Variants in COG5 observed in about 807,000 individuals in gnomAD.
COG5 encodes component of oligomeric golgi complex 5, also known as conserved oligomeric Golgi complex subunit 5.
COG5 carries 86 observed loss-of-function variants against 110.4 expected under a neutral mutation model. The observed-to-expected ratio is 0.78, with a 90% CI of 0.65 to 0.93. The LOEUF (loss-of-function observed/expected upper bound fraction) is 0.93, where lower values mean the gene tolerates loss of function less well. Ranked by LOEUF, COG5 falls within the 40% of genes least tolerant of loss-of-function variation. The probability of loss-of-function intolerance (pLI) is 0.00; values close to 1 mark genes in which losing one functional copy is unlikely to be tolerated. For synonymous variants in COG5, 360 were observed against 334.6 expected (o/e 1.08, Z -0.83); for missense variants, 1,077 against 987.0 (o/e 1.09, Z -1.22).
chr7:107,281,310 G>T lies in COG5; in HGVS notation c.1565C>A (p.Ser522Ter). ...AKTIQLYSVK[S>*]EQLLSTQGDA... ...AAGGAAACCACTTACAAGCTGCTCT[G>T]ATTTTACACTGTATAACTGGATGGT... The change falls in exon 14 of 22, where the codon TCA becomes TAA. Residue 522 changes from serine (S) to a stop codon, truncating the protein, a stop_gained. Transcript: ENST00000297135. LOFTEE classifies it high-confidence loss of function. 6.2e-7 allele frequency: 1 copy of T among 1,610,632 alleles called. No homozygotes were observed. The highest frequency in any genetic ancestry group is 1.1e-5 in the South Asian group (1 of 90,982).
chr7:107,368,527 T>C (rs188184670), intron 8 of COG5, among the ~76,000 whole-genome samples: 79 of 152,172 alleles, frequency 5.2e-4, no homozygotes, highest in African/African-American at 1.9e-3. Flanking sequence ...AGTGTTCACC[T>C]TATAATAATT....
intron 18 of COG5, among the ~76,000 whole-genome samples, chr7:107,235,412 T>C (rs974762239): frequency 1.3e-5 from 2 of 152,234 alleles, no homozygotes; most frequent in Non-Finnish European, 2.9e-5. Context: ...GGCTTAAAAA[T>C]GATTTTACCC....
Position 107,563,392 on chromosome 7 carries a change from A to G in COG5, c.94+411T>C, listed in dbSNP as rs569062610. 21 of 302,200 alleles carry G rather than the reference A, an allele frequency of 6.9e-5. 2 individuals carry two copies. Among genetic ancestry groups the G allele is most frequent in the South Asian group, 6.2e-4 (21 of 34,020 alleles). 18.7% of individuals were successfully genotyped at this position (302,200 alleles called of 1,614,324 possible). A position where few individuals can be genotyped will look rare whatever the true frequency, so the allele number is the denominator to read the frequency against. ...CAGCTCTACTTTAAAACAAGGCCCT[A>G]TTTCATTATGCGTCTGCCGTCTGTT... is the stretch of plus-strand genomic sequence containing the variant. On this transcript the variant is annotated intron_variant, in intron 1 of 21. Coordinates refer to ENST00000297135, the MANE Select transcript of COG5 (RefSeq NM_006348.5).
At chr7:107,488,475 T>G (rs1797783643) in intron 6 of COG5, among the ~76,000 whole-genome samples, 2 of 152,168 alleles carry the variant, frequency 1.3e-5, no homozygotes, top group African/African-American at 4.8e-5. Context: ...TACAACATGC[T>G]CATTCCCTTG....
At chr7:107,354,634 C>G (rs1275232500) in intron 10 of COG5, among the ~76,000 whole-genome samples, 1 of 152,164 alleles carries the variant, frequency 6.6e-6, no homozygotes, top group Non-Finnish European at 1.5e-5. Context: ...CGAGACCACG[C>G]CACTGCACTC....
intron 7 of COG5, among the ~76,000 whole-genome samples, chr7:107,399,095 G>T (rs1016743974): frequency 6.6e-6 from 1 of 152,060 alleles, no homozygotes; most frequent in African/African-American, 2.4e-5. Context: ...CCAGCTACTC[G>T]GAAGTCTGAG....
intron 7 of COG5, among the ~76,000 whole-genome samples, chr7:107,410,078 G>C (rs1792169821): frequency 6.6e-6 from 1 of 152,194 alleles, no homozygotes; most frequent in Non-Finnish European, 1.5e-5. Flanking sequence ...AAGTAAAATA[G>C]GGATAAATGT....
intron 6 of COG5, among the ~76,000 whole-genome samples, chr7:107,496,110 A>G (rs1798257830): frequency 1.3e-5 from 2 of 152,032 alleles, no homozygotes; most frequent in Non-Finnish European, 2.9e-5. Flanking sequence ...GTAAATATCA[A>G]TACTTCTACA....
At chr7:107,514,038 T>TA (rs1179996220) in intron 6 of COG5, among the ~76,000 whole-genome samples, 2 of 150,320 alleles carry the variant, frequency 1.3e-5, no homozygotes, top group Non-Finnish European at 3.0e-5. Flanking sequence ...CCCTAAAACT[T>TA]AAAGTATAAT....
At chr7:107,218,159 G>T (rs1218083899) in intron 19 of COG5, among the ~76,000 whole-genome samples, 1 of 151,902 alleles carries the variant, frequency 6.6e-6, no homozygotes, top group Non-Finnish European at 1.5e-5. Flanking sequence ...GGAAGTGAAA[G>T]ATTTGTACAC....
intron 8 of COG5, among the ~76,000 whole-genome samples, chr7:107,364,773 A>T (rs1813447303): frequency 6.6e-6 from 1 of 152,206 alleles, no homozygotes. Context: ...TTTAGCAAAC[A>T]GATGCAGTTA....
At chr7:107,205,667 C>T (rs1275984242) in intron 21 of COG5, among the ~76,000 whole-genome samples, 1 of 152,178 alleles carries the variant, frequency 6.6e-6, no homozygotes, top group Admixed American at 6.5e-5. Flanking sequence ...CTTAGAATAC[C>T]CTTCCTTGCT....
At chr7:107,453,967 A>C (rs1172842277) in intron 6 of COG5, among the ~76,000 whole-genome samples, 1 of 142,230 alleles carries the variant, frequency 7.0e-6, no homozygotes, top group East Asian at 2.1e-4. Context: ...ATCCAAATCA[A>C]AACAAATAAG....
chr7:107,230,464 G>T (rs1584547203), intron 19 of COG5, 151 bp downstream of exon 19: 2 of 716,276 alleles, frequency 2.8e-6, no homozygotes, highest in East Asian at 5.0e-5. Flanking sequence ...ATGGGTTTCT[G>T]ATTTGAATAC....
chr7:107,559,882 T>C (rs534552227), intron 1 of COG5, among the ~76,000 whole-genome samples: 42 of 152,330 alleles, frequency 2.8e-4, no homozygotes, highest in African/African-American at 9.9e-4. Context: ...ACATGTATAT[T>C]GGACAGAAAT....
intron 6 of COG5, among the ~76,000 whole-genome samples, chr7:107,466,133 AT>A (rs1222853982): frequency 6.6e-6 from 1 of 152,168 alleles, no homozygotes; most frequent in African/African-American, 2.4e-5. Context: ...TGATGAAAAT[AT>A]AAGAGAAAAA....
intron 1 of COG5, among the ~76,000 whole-genome samples, chr7:107,561,127 A>G (rs1343193010): frequency 6.6e-6 from 1 of 152,250 alleles, no homozygotes; most frequent in Non-Finnish European, 1.5e-5. Flanking sequence ...GATCAAACAC[A>G]ACGGGATGTG....
At chr7:107,428,473 T>C (rs1162239079) in intron 6 of COG5, among the ~76,000 whole-genome samples, 2 of 151,628 alleles carry the variant, frequency 1.3e-5, no homozygotes, top group Non-Finnish European at 2.9e-5. Context: ...CATTTATAAG[T>C]CAAGCAACAA....
At chr7:107,208,587 T>C in intron 21 of COG5, 2 of 985,412 alleles carry the variant, frequency 2.0e-6, no homozygotes, top group Non-Finnish European at 2.4e-6. Flanking sequence ...ATCCCTGTGT[T>C]AGCCCAGGCC....
Sources: gnomAD v4.1 joint callset for allele counts (sites outside exome capture counted in the v4.1 genomes callset) on GRCh38, gnomAD v4.1.1 for gene constraint, MANE v1.5 for transcripts, NCBI Gene and HGNC (gene_info 2026-07-23, HGNC 2026-07-21) for gene names.